The following TFAP2D variants were observed in gnomAD, a reference collection of about 807,000 sequenced individuals.
TFAP2D encodes the protein transcription factor AP-2-delta.
A neutral mutation model predicts 43.6 loss-of-function variants in TFAP2D; 9 were observed. The ratio of observed to expected loss-of-function variants is 0.21; its 90% CI spans 0.12 to 0.36. TFAP2D has a LOEUF of 0.36. Ranked by LOEUF, TFAP2D falls within the 10% of genes least tolerant of loss-of-function variation. The probability of loss-of-function intolerance (pLI) is 1.00; values close to 1 mark genes in which losing one functional copy is unlikely to be tolerated. For synonymous variants in TFAP2D, 256 were observed against 224.9 expected, an observed-to-expected ratio of 1.14 and a Z score of -1.24; for missense variants, 513 against 561.4, an observed-to-expected ratio of 0.91 and a Z score of 0.87.
chr6:50,724,726 T>C (rs1331470973), intron 3 of TFAP2D, among the ~76,000 whole-genome samples: 1 of 151,968 alleles, frequency 6.6e-6, no homozygotes. Flanking sequence ...CTCCGGCGCT[T>C]GTCTTTCCCA....
chr6:50,751,183 A>G, intron 6 of TFAP2D, 28 bp from the exon 7 acceptor site: 7 of 1,497,252 alleles, frequency 4.7e-6, no homozygotes, highest in Non-Finnish European at 6.5e-6. Flanking sequence ...TGAAAATTTC[A>G]ATTTTAAATT....
intron 6 of TFAP2D, among the ~76,000 whole-genome samples, chr6:50,750,854 T>C (rs1762763233): frequency 2.0e-5 from 3 of 152,054 alleles, no homozygotes; most frequent in Admixed American, 1.3e-4. Context: ...TTTACAGATA[T>C]TATGTCTTAA....
At chr6:50,722,703 C>T (rs1768747415) in intron 3 of TFAP2D, among the ~76,000 whole-genome samples, 1 of 151,750 alleles carries the variant, frequency 6.6e-6, no homozygotes, top group Admixed American at 6.6e-5. Flanking sequence ...GGGTAGTGGG[C>T]TGTGGACCTC....
intron 3 of TFAP2D, among the ~76,000 whole-genome samples, chr6:50,724,412 A>C: frequency 6.6e-6 from 1 of 152,172 alleles, no homozygotes; most frequent in East Asian, 1.9e-4. Flanking sequence ...TTTGCTCTCA[A>C]GATTTGGTCT....
intron 5 of TFAP2D, among the ~76,000 whole-genome samples, chr6:50,733,958 TTCTC>T (rs956491721): frequency 6.6e-6 from 1 of 151,128 alleles, no homozygotes; most frequent in African/African-American, 2.4e-5. Context: ...GAAGATCAAA[TTCTC>T]TCTCTCTGTC....
intron 7 of TFAP2D, among the ~76,000 whole-genome samples, chr6:50,771,463 G>C (rs762093379): frequency 6.6e-6 from 1 of 152,138 alleles, no homozygotes; most frequent in South Asian, 2.1e-4. Flanking sequence ...CATTACTATG[G>C]AAAAGGAGAA....
At chr6:50,720,976 G>T (rs1768714065) in intron 3 of TFAP2D, among the ~76,000 whole-genome samples, 1 of 152,222 alleles carries the variant, frequency 6.6e-6, no homozygotes, top group South Asian at 2.1e-4. Context: ...GCCGAGGAGG[G>T]AGTTAGAGAG....
At chr6:50,738,792 G>A (rs1367339028) in intron 5 of TFAP2D, among the ~76,000 whole-genome samples, 1 of 152,110 alleles carries the variant, frequency 6.6e-6, no homozygotes, top group African/African-American at 2.4e-5. Context: ...TGTCTATAGA[G>A]TTCATACCAT....
intron 5 of TFAP2D, among the ~76,000 whole-genome samples, chr6:50,741,712 TGCA>T: frequency 6.8e-6 from 1 of 147,880 alleles, no homozygotes; most frequent in South Asian, 2.1e-4. Flanking sequence ...AAAAAAAAGG[TGCA>T]TGGCCAAGTG....
chr6:50,728,975 C>T lies in TFAP2D; in HGVS notation c.718C>T (p.Pro240Ser). Residue 240 changes from proline to serine, a missense_variant, in exon 4 of 8, where the codon CCA becomes TCA. Physicochemically the swap from Pro to Ser is moderately conservative, Grantham distance 74. Around this residue, in one of 3 missense-constraint regions of TFAP2D, gnomAD observed 311 missense variants for 316.2 expected, o/e 0.98. Coordinates refer to ENST00000008391, the MANE Select transcript of TFAP2D (RefSeq NM_172238.4). ...TGCTGAGGTAAAGAGGCGCCTCTCC[C>T]CACCTGAGTGCCTCAATGCTTCACT... Reference protein sequence around the residue: ...TIAEVKRRLSPPECLNASLLG... With the variant: ...TIAEVKRRLSSPECLNASLLG... The T allele has an allele frequency of 6.2e-7, 1 of 1,613,988 alleles. No homozygotes were observed. The highest frequency in any genetic ancestry group is 8.5e-7 in the Non-Finnish European group (1 of 1,179,924).
At chr6:50,740,544 T>G (rs1218826146) in intron 5 of TFAP2D, among the ~76,000 whole-genome samples, 1 of 152,144 alleles carries the variant, frequency 6.6e-6, no homozygotes, top group Non-Finnish European at 1.5e-5. Flanking sequence ...AGCAATTCTC[T>G]GCCTCAGCCT....
At chr6:50,714,185 C>CATAAACGCAGCGAA in intron 1 of TFAP2D, 91 bp downstream of exon 1, 1 of 1,301,038 alleles carries the variant, frequency 7.7e-7, no homozygotes, top group South Asian at 1.2e-5. Context: ...GTGGCAGCCT[C>CATAAACGCAGCGAA]CCCTGTCTCT....
At chr6:50,750,666 A>G (rs1011125254) in intron 6 of TFAP2D, among the ~76,000 whole-genome samples, 1 of 151,978 alleles carries the variant, frequency 6.6e-6, no homozygotes, top group African/African-American at 2.4e-5. Flanking sequence ...GGAACATAAT[A>G]TAACCATTTT....
chr6:50,721,074 A>G (rs1768715655), intron 3 of TFAP2D, among the ~76,000 whole-genome samples: 1 of 152,218 alleles, frequency 6.6e-6, no homozygotes, highest in Non-Finnish European at 1.5e-5. Flanking sequence ...GAAAGGCCAA[A>G]GCTCTTAGGT....
intron 7 of TFAP2D, among the ~76,000 whole-genome samples, 153 bp downstream of exon 7, chr6:50,751,477 A>G (rs1390940924): frequency 6.6e-6 from 1 of 151,982 alleles, no homozygotes; most frequent in Non-Finnish European, 1.5e-5. Flanking sequence ...TAGACTGGGT[A>G]ATTTATAAAC....
intron 7 of TFAP2D, among the ~76,000 whole-genome samples, chr6:50,769,649 T>A (rs546099609): frequency 6.6e-6 from 1 of 152,298 alleles, no homozygotes; most frequent in African/African-American, 2.4e-5. Flanking sequence ...TTACCAGCCA[T>A]CAAGGCTGCC....
chr6:50,772,006 T>C (rs1428580521), intron 7 of TFAP2D, among the ~76,000 whole-genome samples: 1 of 152,166 alleles, frequency 6.6e-6, no homozygotes, highest in Non-Finnish European at 1.5e-5. Context: ...TGTCCATCAA[T>C]GATAGACTGG....
chr6:50,719,744 A>T (rs1020808783), intron 3 of TFAP2D, among the ~76,000 whole-genome samples: 1 of 152,140 alleles, frequency 6.6e-6, no homozygotes, highest in Non-Finnish European at 1.5e-5. Context: ...CTTTAAGGGA[A>T]GGTGGGAGGA....
intron 5 of TFAP2D, among the ~76,000 whole-genome samples, 160 bp from the exon 6 acceptor site, chr6:50,744,947 C>T (rs773749427): frequency 3.3e-5 from 5 of 152,042 alleles, no homozygotes; most frequent in Non-Finnish European, 1.5e-5. Context: ...CTCATTACCT[C>T]CCCTCCTCCC....
Sources: gnomAD v4.1 joint callset for allele counts (sites outside exome capture counted in the v4.1 genomes callset) on GRCh38, gnomAD v4.1.1 for gene constraint, gnomAD v4.1.1 regional missense constraint, MANE v1.5 for transcripts, NCBI Gene and HGNC (gene_info 2026-07-23, HGNC 2026-07-21) for gene names.